The following CEMIP variants were observed in gnomAD, a reference collection of about 807,000 sequenced individuals.
CEMIP encodes the protein cell migration-inducing and hyaluronan-binding protein.
In CEMIP, 105 loss-of-function variants were observed where a neutral mutation model predicts 156.9. That is an observed-to-expected ratio of 0.67 (90% CI 0.57 to 0.79). The LOEUF is 0.79. CEMIP is among the 30% of genes least tolerant of loss of function. The pLI is 0.00. For missense variants in CEMIP, 1,457 were observed against 1,769.4 expected (o/e 0.82, Z 3.17); for synonymous variants, 676 against 668.4 (o/e 1.01, Z -0.17).
chr15:80,813,434 C>G (rs1555427794), intron 1 of CEMIP, among the ~76,000 whole-genome samples: 1 of 48,000 alleles, frequency 2.1e-5, no homozygotes, highest in Admixed American at 1.7e-4. Flanking sequence ...ACTGCAACCC[C>G]TGTCTCCTGG....
intron 1 of CEMIP, among the ~76,000 whole-genome samples, chr15:80,788,217 T>C (rs1295257762): frequency 6.6e-6 from 1 of 152,046 alleles, no homozygotes; most frequent in Non-Finnish European, 1.5e-5. Flanking sequence ...ACACCTGTAA[T>C]CCCAGCACTT....
At position 80,936,856 on chromosome 15, in the gene CEMIP, A is replaced by G; in HGVS notation, c.3192A>G (p.Glu1064=). 6.2e-7 allele frequency: 1 copy of G among 1,614,208 alleles called. No homozygotes were observed. The highest frequency in any genetic ancestry group is 8.5e-7 in the Non-Finnish European group (1 of 1,180,044). ...ACTGGGACCAGACGGCCCCCGCCGA[A>G]CTCGCCATCTGGCTCATCAACTTCA... ...TIHWDQTAPA[E]LAIWLINFNK... The change falls in exon 24 of 30, where the codon GAA becomes GAG. Residue 1064 remains glutamate, a synonymous_variant. Coordinates refer to ENST00000394685, the MANE Select transcript of CEMIP (RefSeq NM_001293298.2).
chr15:80,868,715 C>T (rs1354702359), intron 1 of CEMIP, among the ~76,000 whole-genome samples: 5 of 152,194 alleles, frequency 3.3e-5, no homozygotes, highest in African/African-American at 1.2e-4. Flanking sequence ...ATACTTTGTG[C>T]CTCAGTTTCC....
At position 80,851,906 on chromosome 15, in the gene CEMIP, G is replaced by A. The variant is rs976180199; in HGVS notation, c.-175-21632G>A. 5.9e-5 allele frequency among the ~76,000 whole-genome samples: 9 copies of A among 152,300 alleles called. No individual in the cohort carries two copies. In the South Asian group the frequency reaches 8.3e-4, roughly 14 times the overall value. On this transcript the variant is annotated intron_variant, in intron 1 of 29. Coordinates refer to ENST00000394685, the MANE Select transcript of CEMIP (RefSeq NM_001293298.2). ...AGACTATCCTGGCAGCAGTGTAGGC[G>A]ATGGACTGGAAGGAGGAGGAGACTG...
intron 23 of CEMIP, 109 bp downstream of exon 23, chr15:80,933,569 A>C (rs971951263): frequency 1.2e-6 from 1 of 834,134 alleles, no homozygotes; most frequent in African/African-American, 1.7e-5. Context: ...AAAGAGATAC[A>C]GAATTTTTTT....
intron 1 of CEMIP, among the ~76,000 whole-genome samples, chr15:80,802,010 G>A (rs1043159027): frequency 3.9e-5 from 6 of 152,198 alleles, no homozygotes; most frequent in Non-Finnish European, 8.8e-5. Context: ...TGAGCATCTG[G>A]AGAGTGTGGT....
intron 7 of CEMIP, among the ~76,000 whole-genome samples, chr15:80,887,177 C>G (rs1324210607): frequency 1.3e-5 from 2 of 152,140 alleles, no homozygotes; most frequent in African/African-American, 2.4e-5. Context: ...GCTTCCCTCC[C>G]CATTAAGAAG....
At chr15:80,801,871 G>A (rs1327378585) in intron 1 of CEMIP, among the ~76,000 whole-genome samples, 1 of 152,164 alleles carries the variant, frequency 6.6e-6, no homozygotes, top group East Asian at 1.9e-4. Flanking sequence ...ATAATAATAC[G>A]GGATAACAAC....
intron 1 of CEMIP, among the ~76,000 whole-genome samples, chr15:80,804,297 A>C (rs987924423): frequency 6.6e-6 from 1 of 152,234 alleles, no homozygotes; most frequent in East Asian, 1.9e-4. Flanking sequence ...CTTGCAGAAG[A>C]AAACAATGGC....
chr15:80,794,804 C>G (rs547735195), intron 1 of CEMIP, among the ~76,000 whole-genome samples: 29 of 152,026 alleles, frequency 1.9e-4, no homozygotes, highest in African/African-American at 7.0e-4. Context: ...GAAAAAATCA[C>G]GGGCGTATGT....
chr15:80,908,253 C>A (rs1464566483), intron 13 of CEMIP, among the ~76,000 whole-genome samples: 1 of 152,122 alleles, frequency 6.6e-6, no homozygotes, highest in Non-Finnish European at 1.5e-5. Flanking sequence ...AGACCAGTCC[C>A]TGAATGATCA....
intron 1 of CEMIP, among the ~76,000 whole-genome samples, chr15:80,841,455 G>A (rs942257464): frequency 1.3e-5 from 2 of 152,174 alleles, no homozygotes; most frequent in Admixed American, 6.5e-5. Flanking sequence ...TAAAGGGCAG[G>A]CACTGCTCCA....
chr15:80,913,974 GA>G (rs1900165120), intron 14 of CEMIP, among the ~76,000 whole-genome samples: 1 of 152,224 alleles, frequency 6.6e-6, no homozygotes, highest in Admixed American at 6.5e-5. Context: ...AGAAGCACTG[GA>G]AAATGCTTCT....
At chr15:80,801,427 C>T (rs1896375161) in intron 1 of CEMIP, among the ~76,000 whole-genome samples, 1 of 152,174 alleles carries the variant, frequency 6.6e-6, no homozygotes, top group Admixed American at 6.5e-5. Context: ...GTAGACTAGC[C>T]TGGGTTTGTT....
chr15:80,920,174 C>G lies in CEMIP; in HGVS notation c.1878C>G (p.Asp626Glu). 6.2e-7 allele frequency: 1 copy of G among 1,614,230 alleles called. No individual in the cohort carries two copies. Among genetic ancestry groups the G allele is most frequent in the Non-Finnish European group, 8.5e-7 (1 of 1,180,040 alleles). ...GGCCGGAGGAACGCAACACTTTTGA[C>G]CACTGTCTTGGCCTCCTTGTCAAGT... ...EDGPEERNTF[D>E]HCLGLLVKSG... The change falls in exon 15 of 30, where the codon GAC (aspartate) becomes GAG (glutamate). Residue 626 changes from aspartate to glutamate, a missense_variant. Asp to Glu is a conservative substitution (Grantham distance 45, BLOSUM62 2). Transcript: ENST00000394685.
At chr15:80,822,996 CTGAT>C (rs1184657580) in intron 1 of CEMIP, among the ~76,000 whole-genome samples, 1 of 152,148 alleles carries the variant, frequency 6.6e-6, no homozygotes, top group Non-Finnish European at 1.5e-5. Context: ...GAGCTACTGA[CTGAT>C]TGTGTGGTCC....
At position 80,938,007 on chromosome 15, in the gene CEMIP, A is replaced by G. The variant is rs765019727; in HGVS notation, c.3407+28A>G. 8 of 1,591,994 alleles carry G rather than the reference A, an allele frequency of 5.0e-6. No homozygotes were observed. In the South Asian group the frequency reaches 7.8e-5, roughly 16 times the overall value. On this transcript the variant is annotated intron_variant, in intron 25 of 29. Transcript: ENST00000394685. ...GAGCAGGCGCCCACTTGGCTGCAGG[A>G]AAGTGGCTCAACCTCATCTTGTCCC...
intron 25 of CEMIP, among the ~76,000 whole-genome samples, chr15:80,941,224 T>A (rs1291264145): frequency 6.6e-6 from 1 of 152,206 alleles, no homozygotes; most frequent in Non-Finnish European, 1.5e-5. Flanking sequence ...GATGCAGGAC[T>A]CAGCCTGAAA....
At chr15:80,883,315 C>A (rs1898725819) in intron 6 of CEMIP, among the ~76,000 whole-genome samples, 1 of 152,042 alleles carries the variant, frequency 6.6e-6, no homozygotes, top group African/African-American at 2.4e-5. Context: ...ATTTGTATTT[C>A]ATGGATATTT....
Sources: allele counts gnomAD v4.1 joint callset (sites outside exome capture counted in the v4.1 genomes callset), GRCh38; gene constraint gnomAD v4.1.1; transcripts MANE v1.5; gene names NCBI Gene and HGNC (gene_info 2026-07-23, HGNC 2026-07-21).